Variants in BDP1 observed in about 807,000 individuals in gnomAD.
BDP1 encodes the protein transcription factor TFIIIB component B'' homolog.
A neutral mutation model predicts 266.6 loss-of-function variants in BDP1; 169 were observed. The ratio of observed to expected loss-of-function variants is 0.63; its 90% CI spans 0.56 to 0.72. The LOEUF (loss-of-function observed/expected upper bound fraction) is 0.72. Ranked by LOEUF, BDP1 falls within the 30% of genes least tolerant of loss-of-function variation. BDP1 has a pLI of 0.00. For missense variants in BDP1, 3,015 were observed against 3,053.8 expected, an observed-to-expected ratio of 0.99 and a Z score of 0.30; for synonymous variants, 1,090 against 1,022.4, an observed-to-expected ratio of 1.07 and a Z score of -1.26.
At chr5:71,549,008 G>A (rs1742543566) in intron 33 of BDP1, among the ~76,000 whole-genome samples, 1 of 152,176 alleles carries the variant, frequency 6.6e-6, no homozygotes, top group South Asian at 2.1e-4. Flanking sequence ...GGAGGCGGAG[G>A]TGGGTAGATC....
rs772098381 is a variant in BDP1 at position 71,510,618 on chromosome 5, A to G, written c.3526A>G (p.Thr1176Ala). ...TGAAATGGAGACAGACTTGAAAACA[A>G]CTGGAAGAGAGGGTTCCTCAAGGGA... ...VDEMETDLKT[T>A]GREGSSREKT... The change falls in exon 17 of 39, where the codon ACT becomes GCT. Residue 1176 changes from threonine to alanine, a missense_variant. Thr to Ala is a moderately conservative substitution (Grantham distance 58, BLOSUM62 0). Coordinates refer to ENST00000358731, the MANE Select transcript of BDP1 (RefSeq NM_018429.3). The G allele has an allele frequency of 3.1e-6, 5 of 1,587,334 alleles. No homozygotes were observed. In the South Asian group the frequency reaches 3.4e-5, roughly 11 times the overall value.
At chr5:71,552,749 C>T (rs1742939130) in intron 34 of BDP1, among the ~76,000 whole-genome samples, 1 of 152,242 alleles carries the variant, frequency 6.6e-6, no homozygotes, top group Non-Finnish European at 1.5e-5. Flanking sequence ...AGGGAGGCTG[C>T]AGTGAGCCGA....
Position 71,524,124 on chromosome 5 carries a change from C to G in BDP1, c.5573C>G (p.Pro1858Arg), listed in dbSNP as rs574019843. Residue 1858 changes from proline to arginine, a missense_variant, in exon 25 of 39, where the codon CCT becomes CGT. Transcript: ENST00000358731. Reference protein sequence around the residue: ...RVRGKTSKKEPRASKAMLVTL... With the variant: ...RVRGKTSKKERRASKAMLVTL... ...CGGGGTAAGACCTCTAAGAAGGAAC[C>G]TAGAGCTTCCAAGGCCATGCTGGTG... 8.7e-6 allele frequency: 14 copies of G among 1,614,142 alleles called. No individual in the cohort carries two copies. In the East Asian group the frequency reaches 3.1e-4, roughly 36 times the overall value.
At chr5:71,480,741 T>G (rs567936337) in intron 7 of BDP1, among the ~76,000 whole-genome samples, 1 of 151,738 alleles carries the variant, frequency 6.6e-6, no homozygotes, top group Non-Finnish European at 1.5e-5. Context: ...TTTTTGTATT[T>G]TTAGCAGAGA....
At chr5:71,511,372 C>G in intron 17 of BDP1, 1 of 489,208 alleles carries the variant, frequency 2.0e-6, no homozygotes, top group Non-Finnish European at 3.5e-6. Flanking sequence ...AAACCCAACA[C>G]TTTGGGAGGC....
intron 19 of BDP1, 110 bp from the exon 20 acceptor site, chr5:71,514,834 A>T (rs1462715819): frequency 3.8e-5 from 24 of 634,970 alleles, no homozygotes; most frequent in Non-Finnish European, 5.6e-5. Flanking sequence ...GAATTTTGGT[A>T]TAGACTACCC....
chr5:71,568,508 G>C (rs537636178), downstream of BDP1, among the ~76,000 whole-genome samples: 1 of 152,250 alleles, frequency 6.6e-6, no homozygotes, highest in African/African-American at 2.4e-5. Context: ...TCGCTTTGTT[G>C]CCCAGGCTGG....
chr5:71,489,962 A>G (rs1763491242), intron 10 of BDP1, among the ~76,000 whole-genome samples: 1 of 152,246 alleles, frequency 6.6e-6, no homozygotes, highest in Non-Finnish European at 1.5e-5. Context: ...TCACATCTAT[A>G]TAGAGTTAAA....
Position 71,506,786 on chromosome 5 carries a change from A to AACACACACACACACACACAC in BDP1, c.2372+2054_2372+2073dup, listed in dbSNP as rs70992971. Among the ~76,000 whole-genome samples the AACACACACACACACACACAC allele has an allele frequency of 1.4e-4, 9 of 64,428 alleles. No individual in the cohort carries two copies. In the East Asian group the frequency reaches 2.5e-3, roughly 18 times the overall value. 42.3% of individuals were successfully genotyped at this position (64,428 alleles called of 152,430 possible). A position where few individuals can be genotyped will look rare whatever the true frequency, so the allele number is the denominator to read the frequency against. ...TATATATATATATATATATATTTGA[A>AACACACACACACACACACAC]ACACACACACACACACACACACACA... On this transcript the variant is annotated intron_variant, in intron 16 of 38. Transcript: ENST00000358731.
intron 25 of BDP1, among the ~76,000 whole-genome samples, chr5:71,528,022 T>C (rs1766019472): frequency 6.6e-6 from 1 of 152,148 alleles, no homozygotes; most frequent in African/African-American, 2.4e-5. Flanking sequence ...GGTTTCACCA[T>C]GTTGGCCAGG....
intron 36 of BDP1, among the ~76,000 whole-genome samples, chr5:71,558,255 CCAGGCG>C (rs1276735446): frequency 1.7e-4 from 15 of 86,932 alleles, no homozygotes; most frequent in Admixed American, 4.6e-4. Context: ...TTATAATGGG[CCAGGCG>C]CAGTGGCTCA....
chr5:71,495,196 A>G, intron 11 of BDP1, 54 bp from the exon 12 acceptor site: 1 of 1,100,048 alleles, frequency 9.1e-7, no homozygotes, highest in Non-Finnish European at 1.2e-6. Flanking sequence ...AAATAATTAT[A>G]AAATATATAT....
At chr5:71,555,686 G>A (rs1289059440) in intron 35 of BDP1, among the ~76,000 whole-genome samples, 1 of 152,032 alleles carries the variant, frequency 6.6e-6, no homozygotes, top group Non-Finnish European at 1.5e-5. Flanking sequence ...TGATCCGCCT[G>A]CCTCGGCCTT....
At chr5:71,507,787 TTAA>T (rs1283598338) in intron 16 of BDP1, among the ~76,000 whole-genome samples, 28 of 152,232 alleles carry the variant, frequency 1.8e-4, no homozygotes, top group Non-Finnish European at 2.9e-5. Flanking sequence ...ATTGCTAAAG[TTAA>T]TGATGGATAT....
At position 71,509,449 on chromosome 5, in the gene BDP1, C is replaced by G; in HGVS notation, c.2373-16C>G. On this transcript the variant is annotated splice_polypyrimidine_tract_variant and intron_variant, in intron 16 of 38. Coordinates refer to ENST00000358731, the MANE Select transcript of BDP1 (RefSeq NM_018429.3). Reference sequence around the variant, plus strand: ...TGGTTTAAAACTTGATTGTGTGCCCCCTTTTTTTTTTATAGCGTTCAAGAG... The same window carrying G: ...TGGTTTAAAACTTGATTGTGTGCCCGCTTTTTTTTTTATAGCGTTCAAGAG... 2 of 1,469,856 alleles carry G rather than the reference C, an allele frequency of 1.4e-6. No individual in the cohort carries two copies. Among genetic ancestry groups the G allele is most frequent in the Non-Finnish European group, 1.8e-6 (2 of 1,104,140 alleles). 91.1% of individuals were successfully genotyped at this position (1,469,856 alleles called of 1,614,324 possible). A position where few individuals can be genotyped will look rare whatever the true frequency, so the allele number is the denominator to read the frequency against.
Position 71,566,228 on chromosome 5 carries a change from TA to T in BDP1, c.*1344del, listed in dbSNP as rs1744024520. Reference sequence around the variant, plus strand: ...TTTCCATACAAAGCTCAATCTCCTTTATACACCCACAGACATAATATTAGTT... The same window carrying T: ...TTTCCATACAAAGCTCAATCTCCTTTTACACCCACAGACATAATATTAGTT... On this transcript the variant is annotated 3_prime_UTR_variant, in exon 39 of 39. Transcript: ENST00000358731. 6.5e-6 allele frequency: 1 copy of T among 153,090 alleles called. No homozygotes were observed. Among genetic ancestry groups the T allele is most frequent in the African/African-American group, 2.4e-5 (1 of 41,450 alleles). 9.5% of individuals were successfully genotyped at this position (153,090 alleles called of 1,614,324 possible).
intron 7 of BDP1, among the ~76,000 whole-genome samples, chr5:71,478,673 A>G (rs1241112053): frequency 6.6e-6 from 1 of 150,464 alleles, no homozygotes; most frequent in East Asian, 1.9e-4. Flanking sequence ...TTTTTTTTTA[A>G]TTTTAGTATT....
At chr5:71,511,628 C>CA (rs1205900852) in intron 17 of BDP1, among the ~76,000 whole-genome samples, 1 of 152,042 alleles carries the variant, frequency 6.6e-6, no homozygotes, top group Non-Finnish European at 1.5e-5. Context: ...CCCTGGGTGA[C>CA]AGAGTGAGAC....
chr5:71,510,889 A>C lies in BDP1; in HGVS notation c.3797A>C (p.Glu1266Ala), dbSNP rs377548231. 252 of 1,613,796 alleles carry C rather than the reference A, an allele frequency of 1.6e-4. 3 individuals carry two copies. The East Asian group carries it at 4.0e-3, about 26-fold the overall frequency. Reference sequence around the variant, plus strand: ...GGAAAAAGAGACATTCCCATCATGGAGAAAGTATCAGGAAAGATGGCTGTT... The same window carrying C: ...GGAAAAAGAGACATTCCCATCATGGCGAAAGTATCAGGAAAGATGGCTGTT... The part of the protein sequence containing the change: ...ETGKRDIPIM[E>A]KVSGKMAVVE... The change falls in exon 17 of 39, where the codon GAG becomes GCG. Residue 1266 changes from glutamate (E) to alanine (A), a missense_variant. By Grantham distance (107) the Glu-to-Ala change is moderately radical. Transcript: ENST00000358731.
Sources: gnomAD v4.1 joint callset for allele counts (sites outside exome capture counted in the v4.1 genomes callset) on GRCh38, gnomAD v4.1.1 for gene constraint, MANE v1.5 for transcripts, NCBI Gene and HGNC (gene_info 2026-07-23, HGNC 2026-07-21) for gene names.